Variants in ARMC8 observed in about 807,000 individuals in gnomAD.
The protein encoded by ARMC8 is armadillo repeat containing 8.
ARMC8 carries 20 observed loss-of-function variants against 99.3 expected under a neutral mutation model. The ratio of observed to expected loss-of-function variants is 0.20; its 90% CI spans 0.14 to 0.29. The LOEUF is 0.29. ARMC8 is among the 10% of genes least tolerant of loss of function. The pLI, the probability that ARMC8 is intolerant of heterozygous loss-of-function variation, is 1.00. For missense variants in ARMC8, 569 were observed against 809.5 expected, an observed-to-expected ratio of 0.70 and a Z score of 3.60; for synonymous variants, 263 against 278.3, an observed-to-expected ratio of 0.95 and a Z score of 0.55.
chr3:138,297,396 A>G lies in ARMC8; in HGVS notation c.*1504A>G, dbSNP rs1393223901. The G allele has an allele frequency of 6.6e-6, 1 of 152,170 alleles. No homozygotes were observed. The highest frequency in any genetic ancestry group is 1.5e-5 in the Non-Finnish European group (1 of 68,036). 9.4% of individuals were successfully genotyped at this position (152,170 alleles called of 1,614,324 possible). On this transcript the variant is annotated 3_prime_UTR_variant, in exon 22 of 22. Coordinates refer to ENST00000469044, the MANE Select transcript of ARMC8 (RefSeq NM_001363941.2). The stretch of plus-strand genomic sequence containing the variant: ...TTTTCTCTTTGCTAAAAGAAGGTCA[A>G]AGGCTTCGCAACCAGGATGCAAGGT...
intron 1 of ARMC8, among the ~76,000 whole-genome samples, chr3:138,207,639 T>C (rs2044448151): frequency 6.6e-6 from 1 of 152,200 alleles, no homozygotes; most frequent in African/African-American, 2.4e-5. Context: ...AAAACTTACC[T>C]GTTTGTATTA....
chr3:138,203,968 C>T (rs2044221653), intron 1 of ARMC8, among the ~76,000 whole-genome samples: 1 of 152,200 alleles, frequency 6.6e-6, no homozygotes, highest in Non-Finnish European at 1.5e-5. Flanking sequence ...CCTTATTGCT[C>T]TCTGGCAGTC....
intron 21 of ARMC8, among the ~76,000 whole-genome samples, chr3:138,293,424 A>G (rs1321162455): frequency 6.6e-6 from 1 of 152,170 alleles, no homozygotes; most frequent in Non-Finnish European, 1.5e-5. Flanking sequence ...CTGTAGTCCT[A>G]GCTACTGGGG....
In ARMC8 at chr3:138,297,124, G is replaced by A. The variant is rs1228194263; in HGVS notation, c.*1232G>A. On this transcript the variant is annotated 3_prime_UTR_variant, in exon 22 of 22. Transcript: ENST00000469044. ...CAGGACTGCTAGTTGGTATGCTTTTGTAAAACGAGATTGAAATTTAATAAA... is the reference window on the plus strand; with the variant it reads ...CAGGACTGCTAGTTGGTATGCTTTTATAAAACGAGATTGAAATTTAATAAA... The A allele has an allele frequency of 6.6e-6, 1 of 152,200 alleles. No individual in the cohort carries two copies. The highest frequency in any genetic ancestry group is 1.5e-5 in the Non-Finnish European group (1 of 68,038). 9.4% of individuals were successfully genotyped at this position (152,200 alleles called of 1,614,324 possible).
chr3:138,235,016 T>C lies in ARMC8; in HGVS notation c.529-18T>C, dbSNP rs766250131. ...CATTACTCTTCTAAATATATTGTTGTATTCTTTTTTCTTACAGGGGCCAGA... is the reference window on the plus strand; with the variant it reads ...CATTACTCTTCTAAATATATTGTTGCATTCTTTTTTCTTACAGGGGCCAGA... On this transcript the variant is annotated intron_variant, in intron 6 of 21. Coordinates refer to ENST00000469044, the MANE Select transcript of ARMC8 (RefSeq NM_001363941.2). 1 of 1,599,372 alleles carries C rather than the reference T, an allele frequency of 6.3e-7. No individual in the cohort carries two copies. The highest frequency in any genetic ancestry group is 8.6e-7 in the Non-Finnish European group (1 of 1,167,274).
At chr3:138,210,473 A>G (rs747585127) in intron 2 of ARMC8, among the ~76,000 whole-genome samples, 1 of 152,192 alleles carries the variant, frequency 6.6e-6, no homozygotes, top group Non-Finnish European at 1.5e-5. Flanking sequence ...AGCAAGTAGG[A>G]TAAGATTTCA....
At chr3:138,293,267 C>T (rs556115658) in intron 21 of ARMC8, among the ~76,000 whole-genome samples, 6 of 152,170 alleles carry the variant, frequency 3.9e-5, no homozygotes, top group African/African-American at 7.2e-5. Flanking sequence ...CTAGGCTGGG[C>T]GCGGTGGCTC....
chr3:138,279,662 G>A (rs976811518), intron 18 of ARMC8, among the ~76,000 whole-genome samples: 19 of 152,084 alleles, frequency 1.2e-4, no homozygotes, highest in African/African-American at 4.4e-4. Flanking sequence ...GGAATCATCT[G>A]GATACGATGA....
At chr3:138,272,879 TAAAA>T (rs1394576770) in intron 16 of ARMC8, 84 bp from the exon 17 acceptor site, 1 of 1,191,518 alleles carries the variant, frequency 8.4e-7, no homozygotes, top group Admixed American at 3.4e-5. Context: ...CTCAAAAAAA[TAAAA>T]AAAAATTACC....
At chr3:138,215,431 T>C (rs1342997035) in intron 2 of ARMC8, among the ~76,000 whole-genome samples, 1 of 152,086 alleles carries the variant, frequency 6.6e-6, no homozygotes, top group Non-Finnish European at 1.5e-5. Context: ...TTAACCAGGA[T>C]GGTCTCGATC....
At chr3:138,204,809 G>C (rs1283953536) in intron 1 of ARMC8, among the ~76,000 whole-genome samples, 1 of 152,106 alleles carries the variant, frequency 6.6e-6, no homozygotes, top group East Asian at 1.9e-4. Context: ...CGGTATCCAG[G>C]ATCACTCCCT....
chr3:138,204,407 A>G (rs1385821577), intron 1 of ARMC8, among the ~76,000 whole-genome samples: 3 of 152,204 alleles, frequency 2.0e-5, no homozygotes, highest in Non-Finnish European at 4.4e-5. Flanking sequence ...CCGTCAATGA[A>G]TAAGCATGCT....
chr3:138,278,019 A>G (rs2049474632), intron 18 of ARMC8, among the ~76,000 whole-genome samples: 2 of 152,226 alleles, frequency 1.3e-5, no homozygotes, highest in Admixed American at 6.5e-5. Flanking sequence ...GCAAGATACT[A>G]TATGATCCCA....
In ARMC8 at chr3:138,241,908, T is replaced by C. The variant is rs1248767163; in HGVS notation, c.963T>C (p.Thr321=). 2 of 1,613,966 alleles carry C rather than the reference T, an allele frequency of 1.2e-6. No individual in the cohort carries two copies. The highest frequency in any genetic ancestry group is 2.7e-5 in the African/African-American group (2 of 74,936). ...DVELQRIASI[T]DHLIAMLADY... ...AGCTACAGAGAATCGCTAGCATAAC[T>C]GATCACCTCATTGCCATGCTTGCTG... is the stretch of plus-strand genomic sequence containing the variant. The change falls in exon 11 of 22, where the codon ACT becomes ACC. Residue 321 remains threonine (T), a synonymous_variant. Transcript: ENST00000469044.
chr3:138,217,768 T>C (rs1432097932), intron 2 of ARMC8, among the ~76,000 whole-genome samples: 1 of 152,224 alleles, frequency 6.6e-6, no homozygotes, highest in Non-Finnish European at 1.5e-5. Flanking sequence ...GGCTTACTTA[T>C]TCTTATCTCA....
intron 12 of ARMC8, 72 bp from the exon 13 acceptor site, chr3:138,263,667 A>ACTTG: frequency 8.0e-7 from 1 of 1,246,412 alleles, no homozygotes; most frequent in Non-Finnish European, 1.2e-6. Flanking sequence ...ATGTTAACAT[A>ACTTG]CTTGCATTTA....
intron 18 of ARMC8, among the ~76,000 whole-genome samples, chr3:138,275,065 G>T (rs1233526828): frequency 6.6e-6 from 1 of 152,170 alleles, no homozygotes; most frequent in Non-Finnish European, 1.5e-5. Flanking sequence ...GTACGAAGCT[G>T]TGCATTTATC....
intron 1 of ARMC8, among the ~76,000 whole-genome samples, chr3:138,208,651 A>G (rs577521492): frequency 2.0e-5 from 3 of 152,296 alleles, no homozygotes; most frequent in South Asian, 2.1e-4. Context: ...CTTCCTCCCT[A>G]TAAGAACTTA....
Position 138,292,978 on chromosome 3 carries a change from A to T in ARMC8, c.1988+2339A>T, listed in dbSNP as rs1577069781. Among the ~76,000 whole-genome samples, 4 of 152,280 alleles carry T rather than the reference A, an allele frequency of 2.6e-5. No individual in the cohort carries two copies. The East Asian group carries it at 7.7e-4, about 29-fold the overall frequency. Reference sequence around the variant, plus strand: ...CCTGGACGGTGGCCGTTTATCCTTCAAAACTCATATCAGGTTGCTATGTCC... The same window carrying T: ...CCTGGACGGTGGCCGTTTATCCTTCTAAACTCATATCAGGTTGCTATGTCC... On this transcript the variant is annotated intron_variant, in intron 21 of 21. Coordinates refer to ENST00000469044, the MANE Select transcript of ARMC8 (RefSeq NM_001363941.2).
Sources: allele counts gnomAD v4.1 joint callset (sites outside exome capture counted in the v4.1 genomes callset), GRCh38; gene constraint gnomAD v4.1.1; transcripts MANE v1.5; gene names NCBI Gene and HGNC (gene_info 2026-07-23, HGNC 2026-07-21).